FHIT: variants seen among roughly 807,000 people sequenced by gnomAD.
FHIT encodes fragile histidine triad diadenosine triphosphatase, also known as bis(5'-adenosyl)-triphosphatase.
Under a neutral mutation model 17.9 loss-of-function variants are expected in FHIT, and 19 were observed. The ratio of observed to expected loss-of-function variants is 1.06; its 90% CI spans 0.74 to 1.56. The LOEUF (loss-of-function observed/expected upper bound fraction) is 1.56, where lower values mean the gene tolerates loss of function less well. FHIT is among the 40% of genes most tolerant of loss of function. FHIT has a pLI of 0.00. For missense variants in FHIT, 248 were observed against 189.2 expected, an observed-to-expected ratio of 1.31 and a Z score of -1.82; for synonymous variants, 81 against 69.7, an observed-to-expected ratio of 1.16 and a Z score of -0.81.
At chr3:60,214,691 T>C (rs1211647967) in intron 5 of FHIT, among the ~76,000 whole-genome samples, 2 of 152,112 alleles carry the variant, frequency 1.3e-5, no homozygotes, top group African/African-American at 4.8e-5. Context: ...AATAAATCTT[T>C]CTGCCAAAAA....
intron 1 of FHIT, among the ~76,000 whole-genome samples, chr3:61,220,541 A>T (rs1290631642): frequency 6.6e-6 from 1 of 152,316 alleles, no homozygotes; most frequent in South Asian, 2.1e-4. Context: ...TGACCAGAAT[A>T]ATTCTTACTT....
chr3:61,117,059 T>C (rs2036318831), intron 2 of FHIT, among the ~76,000 whole-genome samples: 1 of 152,154 alleles, frequency 6.6e-6, no homozygotes, highest in South Asian at 2.1e-4. Context: ...AAAAATATAA[T>C]GAGCCAACTT....
chr3:61,221,879 A>G (rs2039848850), intron 1 of FHIT, among the ~76,000 whole-genome samples: 1 of 152,164 alleles, frequency 6.6e-6, no homozygotes. Context: ...AACCAGACTG[A>G]CCCAGCCTTG....
intron 8 of FHIT, among the ~76,000 whole-genome samples, chr3:59,831,811 TA>T (rs1472798185): frequency 2.6e-5 from 4 of 151,774 alleles, no homozygotes; most frequent in African/African-American, 9.7e-5. Context: ...ATGAAAACAA[TA>T]AAACAAAACA....
At chr3:59,939,508 G>A (rs1287443821) in intron 7 of FHIT, among the ~76,000 whole-genome samples, 5 of 152,128 alleles carry the variant, frequency 3.3e-5, no homozygotes. Context: ...CGGCGCAGGA[G>A]GTGAGGTGAG....
At chr3:59,770,596 C>T (rs1702029656) in intron 8 of FHIT, among the ~76,000 whole-genome samples, 1 of 152,208 alleles carries the variant, frequency 6.6e-6, no homozygotes, top group South Asian at 2.1e-4. Context: ...AACAGCTCTG[C>T]TGACACCTTC....
At chr3:61,213,034 C>G (rs1232287454) in intron 1 of FHIT, among the ~76,000 whole-genome samples, 7 of 152,190 alleles carry the variant, frequency 4.6e-5, no homozygotes, top group Admixed American at 2.0e-4. Context: ...ACAACCAGTA[C>G]CAGCCACTGC....
Position 60,730,103 on chromosome 3 carries a change from A to G in FHIT, c.-18+91816T>C, listed in dbSNP as rs115167953. On this transcript the variant is annotated intron_variant, in intron 4 of 9. Coordinates refer to ENST00000492590, the MANE Select transcript of FHIT (RefSeq NM_002012.4). ...CTCTTCAGGTAGTAGATGTGTCCCAATGTCATGGCAATTAGAACAAGAGCT... is the reference window on the plus strand; with the variant it reads ...CTCTTCAGGTAGTAGATGTGTCCCAGTGTCATGGCAATTAGAACAAGAGCT... The G allele has an allele frequency of 1.8e-3, 900 of 513,384 alleles. 7 individuals are homozygous for G. Among genetic ancestry groups the G allele is most frequent in the African/African-American group, 0.016 (793 of 50,492 alleles). 31.8% of individuals were successfully genotyped at this position (513,384 alleles called of 1,614,324 possible). A position where few individuals can be genotyped will look rare whatever the true frequency, so the allele number is the denominator to read the frequency against.
chr3:59,774,407 G>A (rs1031851210), intron 8 of FHIT, among the ~76,000 whole-genome samples: 13 of 152,120 alleles, frequency 8.5e-5, no homozygotes, highest in African/African-American at 2.7e-4. Flanking sequence ...TTAAAATCAC[G>A]TCTCTACCAC....
chr3:60,242,726 TTC>T (rs993489749), intron 5 of FHIT, among the ~76,000 whole-genome samples: 5 of 152,078 alleles, frequency 3.3e-5, no homozygotes, highest in African/African-American at 7.2e-5. Context: ...TTGCCCCTTC[TTC>T]TCTCTTTCAT....
intron 5 of FHIT, among the ~76,000 whole-genome samples, chr3:60,315,901 C>A (rs553786015): frequency 6.6e-6 from 1 of 152,094 alleles, no homozygotes; most frequent in Non-Finnish European, 1.5e-5. Flanking sequence ...CTCATCTGGG[C>A]CACGTTATCA....
At chr3:60,072,108 G>A (rs1004178761) in intron 5 of FHIT, among the ~76,000 whole-genome samples, 1 of 152,194 alleles carries the variant, frequency 6.6e-6, no homozygotes, top group Admixed American at 6.5e-5. Context: ...GAGGTAGGAA[G>A]GAAAGACAAA....
intron 5 of FHIT, among the ~76,000 whole-genome samples, chr3:60,196,506 T>G (rs1330811792): frequency 6.6e-6 from 1 of 152,072 alleles, no homozygotes; most frequent in South Asian, 2.1e-4. Flanking sequence ...ATCCCAAAAT[T>G]TTTAACCTAA....
intron 5 of FHIT, among the ~76,000 whole-genome samples, chr3:60,126,961 C>G (rs140975117): frequency 2.6e-4 from 39 of 152,312 alleles, no homozygotes; most frequent in African/African-American, 9.1e-4. Context: ...TAACCACCAT[C>G]TCTGCCATTT....
intron 8 of FHIT, among the ~76,000 whole-genome samples, chr3:59,826,057 G>T (rs775350542): frequency 2.0e-5 from 3 of 152,114 alleles, no homozygotes; most frequent in Non-Finnish European, 4.4e-5. Context: ...CTTCTTTAAC[G>T]ATCTCCAGTT....
intron 7 of FHIT, among the ~76,000 whole-genome samples, chr3:60,001,427 T>C (rs910888240): frequency 8.5e-5 from 13 of 152,150 alleles, no homozygotes; most frequent in African/African-American, 2.9e-4. Flanking sequence ...ATCTGGCACA[T>C]AGTAGGTGAT....
chr3:60,972,504 T>C (rs1710067736), intron 3 of FHIT, among the ~76,000 whole-genome samples: 1 of 152,088 alleles, frequency 6.6e-6, no homozygotes, highest in African/African-American at 2.4e-5. Flanking sequence ...ATGCATTTAT[T>C]TGTCTTCAAT....
At chr3:60,961,394 A>T (rs1221276222) in intron 3 of FHIT, among the ~76,000 whole-genome samples, 1 of 152,132 alleles carries the variant, frequency 6.6e-6, no homozygotes, top group East Asian at 1.9e-4. Flanking sequence ...GTTCACTCTG[A>T]TGGTAGTTTC....
intron 4 of FHIT, among the ~76,000 whole-genome samples, chr3:60,573,972 G>C (rs565888450): frequency 2.7e-4 from 41 of 151,958 alleles, no homozygotes; most frequent in Admixed American, 5.2e-4. Flanking sequence ...ACCACACCTG[G>C]ATAATTTTTG....
Sources: allele counts gnomAD v4.1 joint callset (sites outside exome capture counted in the v4.1 genomes callset), GRCh38; gene constraint gnomAD v4.1.1; transcripts MANE v1.5; gene names NCBI Gene and HGNC (gene_info 2026-07-23, HGNC 2026-07-21).